PXK: variants seen among roughly 807,000 people sequenced by gnomAD.
PXK encodes the protein PX domain containing serine/threonine kinase like.
A neutral mutation model predicts 84.7 loss-of-function variants in PXK; 35 were observed. The observed-to-expected ratio is 0.41, with a 90% CI of 0.32 to 0.55. The LOEUF (loss-of-function observed/expected upper bound fraction) is 0.55, where lower values mean the gene tolerates loss of function less well. Among genes scored for constraint, PXK ranks in the 20% least tolerant of loss-of-function variants. PXK has a pLI of 0.21. For missense variants in PXK, 634 were observed against 699.7 expected (o/e 0.91, Z 1.06); for synonymous variants, 253 against 260.8 (o/e 0.97, Z 0.29).
At chr3:58,423,751 G>GACGAGGCA (rs748354035) in intron 17 of PXK, among the ~76,000 whole-genome samples, 4 of 152,232 alleles carry the variant, frequency 2.6e-5, no homozygotes, top group Non-Finnish European at 4.4e-5. Context: ...GGTCACAGGA[G>GACGAGGCA]ACGAGGCAAC....
chr3:58,362,420 G>C (rs891540573), intron 1 of PXK, among the ~76,000 whole-genome samples: 18 of 152,230 alleles, frequency 1.2e-4, no homozygotes, highest in Admixed American at 1.0e-3. Context: ...TTTCATTGCT[G>C]AGTGTCCAAT....
At chr3:58,391,017 C>G in intron 5 of PXK, 130 bp from the exon 6 acceptor site, 1 of 650,922 alleles carries the variant, frequency 1.5e-6, no homozygotes. Flanking sequence ...TCAAATGGTT[C>G]TTTTACTTGT....
rs971427721 is a variant in PXK, at chr3:58,383,112, T to C, written c.388+412T>C. ...TTTGAGTCCAGCCTGGCCAACATGG[T>C]GAAACCCTGTCTCTACTAAAAATAC... is the stretch of plus-strand genomic sequence containing the variant. On this transcript the variant is annotated intron_variant, in intron 4 of 17. Transcript: ENST00000356151. This position sits in a 1 kb window ranked among gnomAD's most constrained non-coding sequence, Gnocchi z 4.0. Among the ~76,000 whole-genome samples, 6 of 152,136 alleles carry C rather than the reference T, an allele frequency of 3.9e-5. No individual in the cohort carries two copies. Among genetic ancestry groups the C allele is most frequent in the Non-Finnish European group, 8.8e-5 (6 of 68,034 alleles).
chr3:58,381,813 A>G (rs1560000629), intron 3 of PXK, among the ~76,000 whole-genome samples: 1 of 152,124 alleles, frequency 6.6e-6, no homozygotes, highest in Non-Finnish European at 1.5e-5. Context: ...CCATGACAGT[A>G]TGAGCATTCC....
At chr3:58,395,513 A>T in intron 8 of PXK, 145 bp from the exon 9 acceptor site, 1 of 628,926 alleles carries the variant, frequency 1.6e-6, no homozygotes, top group Non-Finnish European at 2.8e-6. Flanking sequence ...AACAATGCAG[A>T]CTGTCGTATT....
At chr3:58,371,987 C>G (rs748554647) in intron 3 of PXK, among the ~76,000 whole-genome samples, 1 of 152,034 alleles carries the variant, frequency 6.6e-6, no homozygotes, top group Non-Finnish European at 1.5e-5. Context: ...GTCCAATTAC[C>G]CTTTTGACAG....
intron 2 of PXK, among the ~76,000 whole-genome samples, chr3:58,368,524 A>G (rs12715530): frequency 0.54 from 80,998 of 151,138 alleles, 22,949 homozygotes; most frequent in African/African-American, 0.65. Flanking sequence ...GTTTCGCCAC[A>G]TTGGCCAGGC....
chr3:58,423,237 A>G (rs960900124), intron 17 of PXK: 1 of 979,628 alleles, frequency 1.0e-6, no homozygotes, highest in African/African-American at 1.8e-5. Context: ...TCAGGTTTAA[A>G]GTCCTTTTTA....
intron 3 of PXK, among the ~76,000 whole-genome samples, chr3:58,378,478 A>T (rs1460891782): frequency 1.8e-5 from 2 of 108,746 alleles, no homozygotes; most frequent in Admixed American, 1.0e-4. Flanking sequence ...TTGGATTTGG[A>T]CTTCATTTTT....
Position 58,395,672 on chromosome 3 carries a change from C to T in PXK, c.735C>T (p.Asp245=). Residue 245 remains aspartate (D), a synonymous_variant, in exon 9 of 18, where the codon GAC becomes GAT. Coordinates refer to ENST00000356151, the MANE Select transcript of PXK (RefSeq NM_017771.5). ...CTTTTCCAAAGGCAAAACCAAAAGA[C>T]CCATTTCTAAAGAAGTACTGCAACC... ...KDLIYKAKPK[D]PFLKKYCNPK... is the part of the protein sequence containing the mutation. 1 of 1,613,044 alleles carries T rather than the reference C, an allele frequency of 6.2e-7. No individual in the cohort carries two copies. Among genetic ancestry groups the T allele is most frequent in the Non-Finnish European group, 8.5e-7 (1 of 1,179,402 alleles).
rs957202048 is a variant in PXK, at chr3:58,390,011, A to C, written c.389-571A>C. Among the ~76,000 whole-genome samples, 6 of 150,766 alleles carry C rather than the reference A, an allele frequency of 4.0e-5. No individual in the cohort carries two copies. Among genetic ancestry groups the C allele is most frequent in the Admixed American group, 2.6e-4 (4 of 15,110 alleles). On this transcript the variant is annotated intron_variant, in intron 4 of 17. Coordinates refer to ENST00000356151, the MANE Select transcript of PXK (RefSeq NM_017771.5). This position sits in a 1 kb window ranked among gnomAD's most constrained non-coding sequence, Gnocchi z 4.2. The stretch of plus-strand genomic sequence containing the variant: ...TGAAACTCCGTCTCAAAAAAAAAAA[A>C]AAAAAAAAAAAAACAATTTAGCCAG...
intron 17 of PXK, chr3:58,420,768 T>C (rs2061705925): frequency 1.4e-6 from 2 of 1,384,502 alleles, no homozygotes; most frequent in Middle Eastern, 3.8e-4. Flanking sequence ...CATTTCATTT[T>C]CATCATGACC....
intron 1 of PXK, among the ~76,000 whole-genome samples, chr3:58,361,979 G>GT (rs1390925205): frequency 2.0e-5 from 3 of 152,114 alleles, no homozygotes; most frequent in East Asian, 1.9e-4. Flanking sequence ...GAGTGATCCA[G>GT]TTTTTTTGTA....
intron 3 of PXK, among the ~76,000 whole-genome samples, chr3:58,372,663 G>A (rs2098392551): frequency 6.6e-6 from 1 of 151,118 alleles, no homozygotes; most frequent in Non-Finnish European, 1.5e-5. Flanking sequence ...GTCTCGCCCT[G>A]TCACCCAAAC....
chr3:58,337,620 C>T (rs1201882895), intron 1 of PXK, among the ~76,000 whole-genome samples: 1 of 152,142 alleles, frequency 6.6e-6, no homozygotes, highest in African/African-American at 2.4e-5. Context: ...TAGGCATGCA[C>T]CACCATACCT....
intron 1 of PXK, among the ~76,000 whole-genome samples, chr3:58,358,179 G>T (rs2098123317): frequency 6.6e-6 from 1 of 152,162 alleles, no homozygotes; most frequent in Non-Finnish European, 1.5e-5. Context: ...CACTGTTTTA[G>T]TCATTTTGAT....
chr3:58,335,402 T>A (rs2097575817), intron 1 of PXK, among the ~76,000 whole-genome samples: 1 of 152,232 alleles, frequency 6.6e-6, no homozygotes, highest in Non-Finnish European at 1.5e-5. Context: ...TGAAGTTTAT[T>A]GAGAAAATCT....
rs760083476 is a variant in PXK, at chr3:58,397,039, G to A, written c.823G>A (p.Val275Ile). 2 of 1,613,474 alleles carry A rather than the reference G, an allele frequency of 1.2e-6. No homozygotes were observed. Among genetic ancestry groups the A allele is most frequent in the South Asian group, 1.1e-5 (1 of 91,042 alleles). Reference sequence around the variant, plus strand: ...GTAACTTTCCCATATGTTTTGATAGGTACTGAAGTTTCTTCATGACAAGGG... The same window carrying A: ...GTAACTTTCCCATATGTTTTGATAGATACTGAAGTTTCTTCATGACAAGGG... The part of the protein sequence containing the change: ...IKTYGRQILE[V>I]LKFLHDKGFP... The change falls in exon 10 of 18, where the codon GTA becomes ATA. Residue 275 changes from valine (V) to isoleucine (I), a missense_variant and splice_region_variant. Val to Ile is a conservative substitution (Grantham distance 29). Coordinates refer to ENST00000356151, the MANE Select transcript of PXK (RefSeq NM_017771.5). This position sits in a 1 kb window ranked among gnomAD's most constrained non-coding sequence, Gnocchi z 4.7.
At chr3:58,381,889 G>A (rs967106539) in intron 3 of PXK, among the ~76,000 whole-genome samples, 5 of 152,148 alleles carry the variant, frequency 3.3e-5, no homozygotes, top group Non-Finnish European at 7.3e-5. Flanking sequence ...GAATGGTTAT[G>A]TCACCTGGTA....
Sources: gnomAD v4.1 joint callset for allele counts (sites outside exome capture counted in the v4.1 genomes callset) on GRCh38, gnomAD v4.1.1 for gene constraint, Gnocchi (gnomAD v3.1) non-coding constraint, MANE v1.5 for transcripts, NCBI Gene and HGNC (gene_info 2026-07-23, HGNC 2026-07-21) for gene names.